The following NIPAL2 variants were observed in gnomAD, a reference collection of about 807,000 sequenced individuals.
The protein encoded by NIPAL2 is NIPA like domain containing 2.
Under a neutral mutation model 48.9 loss-of-function variants are expected in NIPAL2, and 43 were observed. That is an observed-to-expected ratio of 0.88 (90% CI 0.69 to 1.13). NIPAL2 has a LOEUF of 1.13. Ranked by LOEUF, NIPAL2 falls within the 50% of genes most tolerant of loss-of-function variation. The probability of loss-of-function intolerance (pLI) is 0.00; values close to 1 mark genes in which losing one functional copy is unlikely to be tolerated. For missense variants in NIPAL2, 446 were observed against 461.4 expected (o/e 0.97, Z 0.31); for synonymous variants, 167 against 174.6 (o/e 0.96, Z 0.34).
intron 1 of NIPAL2, among the ~76,000 whole-genome samples, chr8:98,282,295 C>T (rs569047819): frequency 1.3e-4 from 20 of 152,178 alleles, no homozygotes; most frequent in East Asian, 5.8e-4. Context: ...GCCACGGATC[C>T]GTAGGCGGTG....
In NIPAL2 at chr8:98,203,846, CTGTG is replaced by C. The variant is rs143170810; in HGVS notation, c.792-654_792-651del. Among the ~76,000 whole-genome samples the C allele has an allele frequency of 6.5e-3, 956 of 146,780 alleles. 4 individuals carry two copies. The highest frequency in any genetic ancestry group is 0.019 in the African/African-American group (773 of 39,754). ...GAAAAAAGTACTTTGTGGGTAGAGC[CTGTG>C]TGTGTGTGTGTGTGTGTGTGTGTGT... On this transcript the variant is annotated intron_variant, in intron 7 of 10. Transcript: ENST00000430223.
chr8:98,244,905 TA>T (rs1302816022), intron 3 of NIPAL2, among the ~76,000 whole-genome samples: 2 of 152,146 alleles, frequency 1.3e-5, no homozygotes, highest in African/African-American at 4.8e-5. Flanking sequence ...AGCCTACAAA[TA>T]AAAATTTCAT....
At chr8:98,199,950 A>AT (rs1240824894) in intron 8 of NIPAL2, among the ~76,000 whole-genome samples, 1 of 151,778 alleles carries the variant, frequency 6.6e-6, no homozygotes, top group South Asian at 2.1e-4. Flanking sequence ...TTATTTATTT[A>AT]TTTTTAACTT....
chr8:98,212,248 T>C (rs1430917989), intron 6 of NIPAL2, among the ~76,000 whole-genome samples, 157 bp downstream of exon 6: 3 of 152,192 alleles, frequency 2.0e-5, no homozygotes, highest in African/African-American at 7.2e-5. Context: ...AGGCAACATA[T>C]AATTTTTATA....
intron 3 of NIPAL2, among the ~76,000 whole-genome samples, chr8:98,249,820 G>T (rs945407025): frequency 1.3e-5 from 2 of 148,474 alleles, no homozygotes; most frequent in African/African-American, 4.9e-5. Flanking sequence ...TACACTCAAA[G>T]TATACAAATA....
intron 5 of NIPAL2, among the ~76,000 whole-genome samples, chr8:98,221,167 G>T (rs1392904329): frequency 6.6e-6 from 1 of 151,226 alleles, no homozygotes; most frequent in Non-Finnish European, 1.5e-5. Context: ...GTAGAGATGG[G>T]GTTTCACCAT....
intron 1 of NIPAL2, among the ~76,000 whole-genome samples, chr8:98,260,336 A>T (rs559342982): frequency 1.3e-5 from 2 of 152,240 alleles, no homozygotes; most frequent in South Asian, 4.1e-4. Flanking sequence ...GACGCAGAAG[A>T]CGGTGATTTC....
intron 1 of NIPAL2, among the ~76,000 whole-genome samples, chr8:98,274,975 T>C (rs911845096): frequency 6.6e-6 from 1 of 152,132 alleles, no homozygotes; most frequent in Non-Finnish European, 1.5e-5. Flanking sequence ...GCTATTTTTT[T>C]AAACCTTTAA....
chr8:98,268,139 A>G (rs969650980), intron 1 of NIPAL2, among the ~76,000 whole-genome samples: 1 of 152,230 alleles, frequency 6.6e-6, no homozygotes, highest in African/African-American at 2.4e-5. Flanking sequence ...ATTTCTTTTC[A>G]TAAAGAATGC....
chr8:98,283,532 T>A (rs779058526), intron 1 of NIPAL2, among the ~76,000 whole-genome samples: 80 of 152,238 alleles, frequency 5.3e-4, no homozygotes, highest in Non-Finnish European at 9.4e-4. Context: ...TAGGGCCTTA[T>A]AATTTTCATG....
chr8:98,205,721 T>G (rs1811001092), intron 6 of NIPAL2, among the ~76,000 whole-genome samples: 1 of 152,242 alleles, frequency 6.6e-6, no homozygotes, highest in Non-Finnish European at 1.5e-5. Flanking sequence ...TTGAGTTTAC[T>G]TAGAGTTGTA....
chr8:98,293,875 T>C, intron 1 of NIPAL2, 128 bp downstream of exon 1: 1 of 882,010 alleles, frequency 1.1e-6, no homozygotes. Context: ...TGTCACCTCT[T>C]CCCACTCGGA....
chr8:98,199,935 A>T (rs1187448350), intron 8 of NIPAL2, among the ~76,000 whole-genome samples: 1 of 151,950 alleles, frequency 6.6e-6, no homozygotes, highest in Non-Finnish European at 1.5e-5. Flanking sequence ...CCTCCAAGAA[A>T]ATCTTTATTT....
chr8:98,287,568 A>G (rs903218481), intron 1 of NIPAL2, among the ~76,000 whole-genome samples: 2 of 152,212 alleles, frequency 1.3e-5, no homozygotes, highest in Non-Finnish European at 2.9e-5. Flanking sequence ...TATTAGATAT[A>G]TATTTTTATG....
chr8:98,284,551 G>A (rs1055637329), intron 1 of NIPAL2, among the ~76,000 whole-genome samples: 2 of 151,932 alleles, frequency 1.3e-5, no homozygotes, highest in African/African-American at 4.8e-5. Flanking sequence ...CTCTGCTTAC[G>A]GTTTTTCTTG....
intron 1 of NIPAL2, among the ~76,000 whole-genome samples, chr8:98,274,020 G>A (rs1815309378): frequency 6.6e-6 from 1 of 151,864 alleles, no homozygotes; most frequent in South Asian, 2.1e-4. Flanking sequence ...AATGAAGTTG[G>A]TTGCCACTTT....
intron 5 of NIPAL2, among the ~76,000 whole-genome samples, chr8:98,217,499 A>G (rs1811635978): frequency 6.6e-6 from 1 of 152,228 alleles, no homozygotes; most frequent in Non-Finnish European, 1.5e-5. Context: ...AATAGTCTTA[A>G]TTACTGTAAT....
intron 1 of NIPAL2, among the ~76,000 whole-genome samples, chr8:98,275,649 C>T (rs1223252225): frequency 3.3e-5 from 5 of 152,128 alleles, no homozygotes; most frequent in Non-Finnish European, 5.9e-5. Flanking sequence ...GTGGTAAGTC[C>T]ATTTTTAGTT....
intron 1 of NIPAL2, among the ~76,000 whole-genome samples, chr8:98,255,714 T>C (rs1010336134): frequency 6.6e-6 from 1 of 152,226 alleles, no homozygotes; most frequent in Non-Finnish European, 1.5e-5. Context: ...CACAATGCAA[T>C]GTACTATTTC....
Sources: gnomAD v4.1 joint callset for allele counts (sites outside exome capture counted in the v4.1 genomes callset) on GRCh38, gnomAD v4.1.1 for gene constraint, MANE v1.5 for transcripts, NCBI Gene and HGNC (gene_info 2026-07-23, HGNC 2026-07-21) for gene names.